Variants in NR6A1 observed in about 807,000 individuals in gnomAD.
NR6A1 encodes the protein nuclear receptor subfamily 6 group A member 1.
Under a neutral mutation model 59.1 loss-of-function variants are expected in NR6A1, and 7 were observed. That is an observed-to-expected ratio of 0.12 (90% CI 0.07 to 0.22). The LOEUF (loss-of-function observed/expected upper bound fraction) is 0.22. Ranked by LOEUF, NR6A1 falls within the 10% of genes least tolerant of loss-of-function variation. NR6A1 has a pLI of 1.00. For missense variants in NR6A1, 468 were observed against 611.6 expected (o/e 0.77, Z 2.48); for synonymous variants, 243 against 236.1 (o/e 1.03, Z -0.27).
intron 2 of NR6A1, among the ~76,000 whole-genome samples, chr9:124,623,996 G>A (rs1398317019): frequency 6.6e-6 from 1 of 152,156 alleles, no homozygotes. Flanking sequence ...CTGAATGTAA[G>A]TTTATTATTC....
At chr9:124,605,182 C>T (rs1835544749) in intron 2 of NR6A1, among the ~76,000 whole-genome samples, 1 of 152,170 alleles carries the variant, frequency 6.6e-6, no homozygotes, top group Non-Finnish European at 1.5e-5. Context: ...CTACAAAGTT[C>T]AGAATAACAC....
intron 2 of NR6A1, among the ~76,000 whole-genome samples, chr9:124,571,764 G>A (rs144800489): frequency 2.0e-5 from 3 of 152,284 alleles, no homozygotes; most frequent in Admixed American, 6.5e-5. Context: ...CAGAGGGGCT[G>A]AGAGTAGTTC....
chr9:124,677,611 C>T (rs1333074159), intron 2 of NR6A1, among the ~76,000 whole-genome samples: 1 of 152,002 alleles, frequency 6.6e-6, no homozygotes, highest in Non-Finnish European at 1.5e-5. Flanking sequence ...GTAAACAAAT[C>T]TTAAGTCTGA....
intron 9 of NR6A1, among the ~76,000 whole-genome samples, chr9:124,523,162 T>A (rs1001088236): frequency 1.3e-5 from 2 of 152,240 alleles, no homozygotes; most frequent in Non-Finnish European, 2.9e-5. Flanking sequence ...AAAACTTCTG[T>A]CCTGTTTTCT....
chr9:124,529,905 T>C (rs1230746457), intron 7 of NR6A1, among the ~76,000 whole-genome samples: 2 of 147,588 alleles, frequency 1.4e-5, no homozygotes, highest in Non-Finnish European at 3.0e-5. Context: ...AGTATCTGAC[T>C]GGAGGGGTGG....
intron 2 of NR6A1, among the ~76,000 whole-genome samples, chr9:124,630,377 T>C (rs1234741647): frequency 6.6e-6 from 1 of 151,560 alleles, no homozygotes; most frequent in Non-Finnish European, 1.5e-5. Context: ...AGCAGGCGCA[T>C]GACACCACGC....
chr9:124,750,586 C>A (rs1840471505), intron 1 of NR6A1, among the ~76,000 whole-genome samples: 1 of 152,098 alleles, frequency 6.6e-6, no homozygotes, highest in Admixed American at 6.5e-5. Context: ...TGGTGAAACC[C>A]CGTCTCTACT....
chr9:124,654,369 G>A (rs1837188082), intron 2 of NR6A1, among the ~76,000 whole-genome samples: 1 of 152,088 alleles, frequency 6.6e-6, no homozygotes, highest in Non-Finnish European at 1.5e-5. Flanking sequence ...AAATACACTT[G>A]GAAAAAACCC....
intron 2 of NR6A1, among the ~76,000 whole-genome samples, chr9:124,715,075 G>A (rs556386897): frequency 6.6e-6 from 1 of 152,186 alleles, no homozygotes; most frequent in South Asian, 2.1e-4. Flanking sequence ...GTGCACACCT[G>A]TAGTCCCAGC....
intron 2 of NR6A1, among the ~76,000 whole-genome samples, chr9:124,722,747 C>T (rs1839599403): frequency 6.6e-6 from 1 of 152,132 alleles, no homozygotes; most frequent in African/African-American, 2.4e-5. Context: ...GACAGGGTCT[C>T]ACTCCCGACA....
At chr9:124,691,914 T>G (rs1037792905) in intron 2 of NR6A1, among the ~76,000 whole-genome samples, 1 of 152,170 alleles carries the variant, frequency 6.6e-6, no homozygotes, top group African/African-American at 2.4e-5. Context: ...GGCTCTGCAG[T>G]GATGGGTCTA....
intron 1 of NR6A1, among the ~76,000 whole-genome samples, chr9:124,767,790 A>T (rs564038018): frequency 6.6e-6 from 1 of 152,364 alleles, no homozygotes; most frequent in Non-Finnish European, 1.5e-5. Flanking sequence ...TTTCCTCTAA[A>T]GTGTAATTAC....
chr9:124,613,387 C>G (rs1327142414), intron 2 of NR6A1, among the ~76,000 whole-genome samples: 2 of 151,966 alleles, frequency 1.3e-5, no homozygotes, highest in Admixed American at 1.3e-4. Context: ...TGGCTCACAC[C>G]TATAATACCA....
intron 2 of NR6A1, among the ~76,000 whole-genome samples, chr9:124,679,594 A>T (rs1191651088): frequency 6.6e-6 from 1 of 152,116 alleles, no homozygotes; most frequent in Non-Finnish European, 1.5e-5. Context: ...TTCAAATCTT[A>T]AGAGTTTGAA....
intron 2 of NR6A1, among the ~76,000 whole-genome samples, chr9:124,686,374 G>A (rs989134671): frequency 2.6e-5 from 4 of 152,030 alleles, no homozygotes; most frequent in African/African-American, 4.8e-5. Flanking sequence ...TTAAAATCTC[G>A]GCCAACACTT....
intron 7 of NR6A1, among the ~76,000 whole-genome samples, chr9:124,531,367 T>A (rs2131333226): frequency 6.6e-6 from 1 of 152,334 alleles, no homozygotes; most frequent in African/African-American, 2.4e-5. Context: ...ATGGGCACCA[T>A]AAATTTGATT....
chr9:124,680,414 A>C (rs1838109813), intron 2 of NR6A1, among the ~76,000 whole-genome samples: 1 of 152,216 alleles, frequency 6.6e-6, no homozygotes, highest in African/African-American at 2.4e-5. Context: ...TTATAAAAAG[A>C]TAACCTTGAG....
chr9:124,559,367 T>C (rs1390385539), intron 2 of NR6A1, among the ~76,000 whole-genome samples: 2 of 152,222 alleles, frequency 1.3e-5, no homozygotes, highest in African/African-American at 4.8e-5. Context: ...TTTCTTTATA[T>C]GGAGCCAAAC....
chr9:124,722,772 C>T (rs540948774), intron 2 of NR6A1, among the ~76,000 whole-genome samples: 6 of 152,226 alleles, frequency 3.9e-5, no homozygotes, highest in Admixed American at 3.9e-4. Context: ...GGCTAGAATG[C>T]AGTGGTGCAA....
Sources: allele counts gnomAD v4.1 joint callset (sites outside exome capture counted in the v4.1 genomes callset), GRCh38; gene constraint gnomAD v4.1.1; transcripts MANE v1.5; gene names NCBI Gene and HGNC (gene_info 2026-07-23, HGNC 2026-07-21).